Variants in PSPC1 observed in about 807,000 individuals in gnomAD.
PSPC1 encodes paraspeckle protein 1.
In PSPC1, 14 loss-of-function variants were observed where a neutral mutation model predicts 51.6. The observed-to-expected ratio is 0.27, with a 90% CI of 0.18 to 0.42. The LOEUF (loss-of-function observed/expected upper bound fraction) is 0.42. PSPC1 is among the 10% of genes least tolerant of loss of function. The probability of loss-of-function intolerance (pLI) is 1.00; values close to 1 mark genes in which losing one functional copy is unlikely to be tolerated. For synonymous variants in PSPC1, 193 were observed against 231.9 expected (o/e 0.83, Z 1.53); for missense variants, 406 against 701.1 (o/e 0.58, Z 4.75).
At chr13:19,697,917 C>T (rs940038816), downstream of PSPC1, among the ~76,000 whole-genome samples, 1 of 151,984 alleles carries the variant, frequency 6.6e-6, no homozygotes, top group Non-Finnish European at 1.5e-5. Context: ...ATAAATAATA[C>T]AAATAACTTG....
At chr13:19,778,156 C>G (rs111248659) in intron 1 of PSPC1, among the ~76,000 whole-genome samples, 1 of 151,782 alleles carries the variant, frequency 6.6e-6, no homozygotes, top group Non-Finnish European at 1.5e-5. Flanking sequence ...GCAGGAGAAT[C>G]GCTTGAACCC....
chr13:19,739,663 G>A (rs4238142), intron 5 of PSPC1, among the ~76,000 whole-genome samples: 139,179 of 151,994 alleles, frequency 0.92, 64,947 homozygotes, highest in Non-Finnish European at 1. Context: ...GAATCACTGG[G>A]ACCTGGGAGG....
At chr13:19,734,727 G>A (rs1179379850) in intron 5 of PSPC1, among the ~76,000 whole-genome samples, 5 of 152,062 alleles carry the variant, frequency 3.3e-5, no homozygotes, top group Non-Finnish European at 5.9e-5. Flanking sequence ...TCTTGAACCC[G>A]GGAGGCAGAG....
intron 6 of PSPC1, among the ~76,000 whole-genome samples, chr13:19,716,857 T>C (rs1197571717): frequency 6.6e-6 from 1 of 152,054 alleles, no homozygotes; most frequent in Non-Finnish European, 1.5e-5. Context: ...AACAGAACAA[T>C]AAGGTTATAA....
At chr13:19,751,218 C>G (rs988924296) in intron 4 of PSPC1, 53 bp downstream of exon 4, 99 of 1,450,924 alleles carry the variant, frequency 6.8e-5, no homozygotes, top group Non-Finnish European at 8.5e-5. Context: ...ATGGTACACA[C>G]ACTTAAGGGA....
chr13:19,677,069 C>T (rs1876726450), intron 7 of PSPC1, among the ~76,000 whole-genome samples: 1 of 152,024 alleles, frequency 6.6e-6, no homozygotes, highest in South Asian at 2.1e-4. Context: ...CCCGTCTCTA[C>T]TAAAAATACA....
intron 7 of PSPC1, among the ~76,000 whole-genome samples, chr13:19,677,439 C>T (rs1876789248): frequency 6.6e-6 from 1 of 152,076 alleles, no homozygotes; most frequent in Admixed American, 6.6e-5. Flanking sequence ...TTAATATACG[C>T]ATTACACCAG....
At chr13:19,772,210 G>A (rs757679053) in intron 2 of PSPC1, 32 bp downstream of exon 2, 10 of 1,592,742 alleles carry the variant, frequency 6.3e-6, no homozygotes, top group East Asian at 2.2e-5. Flanking sequence ...TATGTAACTG[G>A]ATAGAAGAAG....
chr13:19,689,294 G>A (rs991721858), intron 6 of PSPC1, among the ~76,000 whole-genome samples: 3 of 152,152 alleles, frequency 2.0e-5, no homozygotes, highest in Admixed American at 6.5e-5. Flanking sequence ...GGATGATAAC[G>A]AGGATGCAAA....
At chr13:19,763,615 T>C (rs539279147) in intron 2 of PSPC1, among the ~76,000 whole-genome samples, 6 of 152,130 alleles carry the variant, frequency 3.9e-5, no homozygotes, top group South Asian at 4.1e-4. Context: ...ATCGGTAAAA[T>C]GGGATATCAG....
intron 3 of PSPC1, among the ~76,000 whole-genome samples, chr13:19,751,791 C>T (rs891724316): frequency 6.6e-6 from 1 of 152,254 alleles, no homozygotes; most frequent in Non-Finnish European, 1.5e-5. Context: ...GGCGCAGTGG[C>T]TCATGCCTGT....
At chr13:19,699,266 T>C (rs895814312), downstream of PSPC1, 5 of 151,900 alleles carry the variant, frequency 3.3e-5, no homozygotes, top group Non-Finnish European at 5.9e-5. Flanking sequence ...TCTCAGCTTT[T>C]GGTATTTAAA....
At chr13:19,749,739 A>C (rs896117316) in intron 4 of PSPC1, among the ~76,000 whole-genome samples, 33 of 151,744 alleles carry the variant, frequency 2.2e-4, no homozygotes, top group African/African-American at 8.0e-4. Context: ...CCTGGGTTCA[A>C]GTAATTCCCT....
In PSPC1 at chr13:19,742,001, G is replaced by A. The variant is rs189196959; in HGVS notation, c.968-352C>T. Reference sequence around the variant, plus strand: ...ACAAAAATTAGCTGGGCATGGTGGCGCGCGCCTGTAGTCCCAGCTACTCAG... The same window carrying A: ...ACAAAAATTAGCTGGGCATGGTGGCACGCGCCTGTAGTCCCAGCTACTCAG... On this transcript the variant is annotated intron_variant, in intron 4 of 8. Coordinates refer to ENST00000338910, the MANE Select transcript of PSPC1 (RefSeq NM_001354909.2). Among the ~76,000 whole-genome samples the A allele has an allele frequency of 5.2e-4, 79 of 152,012 alleles. 2 individuals are homozygous for A. In the East Asian group the frequency reaches 9.1e-3, roughly 18 times the overall value.
intron 1 of PSPC1, among the ~76,000 whole-genome samples, chr13:19,778,286 T>G (rs181154331): frequency 1.2e-3 from 129 of 109,704 alleles, no homozygotes; most frequent in African/African-American, 3.2e-3. Flanking sequence ...AAGATTAATT[T>G]TTTAAAAAAG....
intron 4 of PSPC1, among the ~76,000 whole-genome samples, chr13:19,749,738 A>G (rs1886349302): frequency 6.6e-6 from 1 of 150,998 alleles, no homozygotes; most frequent in African/African-American, 2.4e-5. Context: ...TCCTGGGTTC[A>G]AGTAATTCCC....
intron 5 of PSPC1, among the ~76,000 whole-genome samples, chr13:19,734,086 A>G (rs1490083149): frequency 6.6e-6 from 1 of 152,202 alleles, no homozygotes; most frequent in Non-Finnish European, 1.5e-5. Context: ...TATAATCTAA[A>G]TTTAATGACA....
At chr13:19,752,734 C>CGAGCCAA (rs1009750517) in intron 3 of PSPC1, among the ~76,000 whole-genome samples, 3 of 151,960 alleles carry the variant, frequency 2.0e-5, no homozygotes, top group Non-Finnish European at 4.4e-5. Flanking sequence ...TACAGGCGTC[C>CGAGCCAA]GCCACCATGC....
downstream of PSPC1, chr13:19,672,641 C>G (rs2780356): frequency 6.4e-6 from 1 of 155,056 alleles, no homozygotes; most frequent in African/African-American, 2.4e-5. Context: ...TGATCTTTTT[C>G]TAGTAGACAG....
Sources: gnomAD v4.1 joint callset for allele counts (sites outside exome capture counted in the v4.1 genomes callset) on GRCh38, gnomAD v4.1.1 for gene constraint, MANE v1.5 for transcripts, NCBI Gene and HGNC (gene_info 2026-07-23, HGNC 2026-07-21) for gene names.